TMEM154: variants seen among roughly 807,000 people sequenced by gnomAD.
TMEM154 encodes transmembrane protein 154.
A neutral mutation model predicts 24.5 loss-of-function variants in TMEM154; 27 were observed. The observed-to-expected ratio is 1.10, with a 90% confidence interval of 0.81 to 1.52. TMEM154 has a LOEUF of 1.52. Among genes scored for constraint, TMEM154 ranks in the 40% most tolerant of loss-of-function variants. TMEM154 has a pLI of 0.00. For missense variants in TMEM154, 228 were observed against 213.4 expected (o/e 1.07, Z -0.43); for synonymous variants, 67 against 76.8 (o/e 0.87, Z 0.67).
chr4:152,654,800 TGTCTGTTGTTTTAAGTCTTGCA>T (rs1346245177), intron 1 of TMEM154, among the ~76,000 whole-genome samples: 1 of 152,212 alleles, frequency 6.6e-6, no homozygotes, highest in East Asian at 1.9e-4. Context: ...GAGAAATAAA[TGTCTGTTGTTTTAAGTCTTGCA>T]GTCTGTGGTA....
rs1489047801 is a variant in TMEM154 at position 152,621,235 on chromosome 4, C to T, written c.*7311G>A. On this transcript the variant is annotated 3_prime_UTR_variant, in exon 7 of 7. Transcript: ENST00000304385. ...CCCTCTCTTTCCTTCTTGTGAATATCATGCTGGAGTTACAACCACCATTTT... is the reference window on the plus strand; with the variant it reads ...CCCTCTCTTTCCTTCTTGTGAATATTATGCTGGAGTTACAACCACCATTTT... The T allele has an allele frequency of 2.0e-5, 3 of 152,240 alleles. No individual in the cohort carries two copies. The highest frequency in any genetic ancestry group is 3.8e-4 in the East Asian group (2 of 5,204). 9.4% of individuals were successfully genotyped at this position (152,240 alleles called of 1,614,324 possible).
intron 1 of TMEM154, among the ~76,000 whole-genome samples, chr4:152,670,520 C>A (rs989070738): frequency 6.6e-6 from 1 of 152,018 alleles, no homozygotes; most frequent in Non-Finnish European, 1.5e-5. Flanking sequence ...CGCTTGAACC[C>A]GGGAGCCGGA....
At chr4:152,645,018 T>G (rs1752331208) in intron 3 of TMEM154, among the ~76,000 whole-genome samples, 1 of 152,200 alleles carries the variant, frequency 6.6e-6, no homozygotes, top group South Asian at 2.1e-4. Flanking sequence ...CCACCTACTC[T>G]ATTTAAAGAA....
intron 3 of TMEM154, among the ~76,000 whole-genome samples, chr4:152,649,655 C>A (rs1293066350): frequency 6.6e-6 from 1 of 152,180 alleles, no homozygotes; most frequent in Non-Finnish European, 1.5e-5. Flanking sequence ...AGGCCTCTAG[C>A]CTTCCCATCC....
At chr4:152,675,542 G>A (rs10013570) in intron 1 of TMEM154, among the ~76,000 whole-genome samples, 16,501 of 152,068 alleles carry the variant, frequency 0.11, 1,186 homozygotes, top group African/African-American at 0.2. Flanking sequence ...CAGGAGAATC[G>A]CTTGAACCCA....
intron 6 of TMEM154, chr4:152,639,800 A>C (rs1752220697): frequency 6.5e-6 from 1 of 152,968 alleles, no homozygotes; most frequent in African/African-American, 2.4e-5. Context: ...TAAATAGGAT[A>C]GAATCCTTCC....
chr4:152,628,930 C>G (rs1428479206), intron 6 of TMEM154, among the ~76,000 whole-genome samples: 2 of 152,044 alleles, frequency 1.3e-5, no homozygotes, highest in Admixed American at 6.5e-5. Context: ...CAGGTGTGAG[C>G]CACTGCACCC....
Position 152,644,458 on chromosome 4 carries a change from C to G in TMEM154, c.365-16G>C, listed in dbSNP as rs749415140. 9.3e-6 allele frequency: 15 copies of G among 1,613,792 alleles called. No homozygotes were observed. Among genetic ancestry groups the G allele is most frequent in the Non-Finnish European group, 1.2e-5 (14 of 1,179,716 alleles). On this transcript the variant is annotated splice_polypyrimidine_tract_variant and intron_variant, in intron 3 of 6. Transcript: ENST00000304385. Reference sequence around the variant, plus strand: ...CCCAGTTCATCTAAAAGGAAATGAACATAAAGGTCATGTTAGCTTTGTTCT... The same window carrying G: ...CCCAGTTCATCTAAAAGGAAATGAAGATAAAGGTCATGTTAGCTTTGTTCT...
chr4:152,657,932 G>T (rs1441909636), intron 1 of TMEM154, among the ~76,000 whole-genome samples: 1 of 152,126 alleles, frequency 6.6e-6, no homozygotes, highest in African/African-American at 2.4e-5. Flanking sequence ...ACATGCAAAA[G>T]CTGAGGGAAT....
intron 1 of TMEM154, chr4:152,668,713 G>T (rs10008259): frequency 0.13 from 19,265 of 152,370 alleles, 1,851 homozygotes; most frequent in African/African-American, 0.27. Flanking sequence ...CACCCCAGGG[G>T]CTTGGTCGCC....
chr4:152,650,644 T>C (rs1264331847), intron 3 of TMEM154, among the ~76,000 whole-genome samples: 1 of 152,234 alleles, frequency 6.6e-6, no homozygotes, highest in Non-Finnish European at 1.5e-5. Context: ...CTTAATGGCA[T>C]CTAGAATGGT....
chr4:152,629,796 T>C (rs1322465940), intron 6 of TMEM154, among the ~76,000 whole-genome samples: 1 of 152,154 alleles, frequency 6.6e-6, no homozygotes, highest in African/African-American at 2.4e-5. Context: ...TCGGAGCAAC[T>C]GAGACACACA....
intron 3 of TMEM154, among the ~76,000 whole-genome samples, chr4:152,648,225 G>T (rs1431084278): frequency 6.6e-6 from 1 of 152,230 alleles, no homozygotes; most frequent in East Asian, 1.9e-4. Context: ...GCTCACACCT[G>T]TAATCCCAGT....
chr4:152,627,107 C>T lies in TMEM154; in HGVS notation c.*1439G>A, dbSNP rs1299020802. The T allele has an allele frequency of 6.6e-6, 1 of 152,160 alleles. No homozygotes were observed. The highest frequency in any genetic ancestry group is 1.5e-5 in the Non-Finnish European group (1 of 68,040). The allele number at this position is 152,160 out of a possible 1,614,324, so 9.4% of individuals were successfully genotyped here. A position where few individuals can be genotyped will look rare whatever the true frequency, so the allele number is the denominator to read the frequency against. ...TTATAGCTTTCATTGTATGGAAAGA[C>T]CTCTCTGGTCTGGAACTCTGCCTTT... On this transcript the variant is annotated 3_prime_UTR_variant, in exon 7 of 7. Transcript: ENST00000304385.
chr4:152,643,260 A>G, intron 4 of TMEM154, 87 bp from the exon 5 acceptor site: 2 of 1,039,682 alleles, frequency 1.9e-6, no homozygotes, highest in Non-Finnish European at 2.9e-6. Flanking sequence ...GCTGATCCTG[A>G]GGAAGATGAA....
intron 1 of TMEM154, among the ~76,000 whole-genome samples, chr4:152,664,470 C>T (rs1019242687): frequency 1.7e-4 from 26 of 152,056 alleles, no homozygotes; most frequent in African/African-American, 6.0e-4. Flanking sequence ...TGTAGCAAAC[C>T]GCCATGGCAC....
intron 1 of TMEM154, among the ~76,000 whole-genome samples, chr4:152,672,096 A>G (rs2149790977): frequency 6.6e-6 from 1 of 150,952 alleles, no homozygotes; most frequent in African/African-American, 2.4e-5. Flanking sequence ...TCTATAAAAA[A>G]AAAAAAAAAA....
chr4:152,642,949 A>G, intron 5 of TMEM154, 139 bp downstream of exon 5: 1 of 661,950 alleles, frequency 1.5e-6, no homozygotes, highest in South Asian at 1.7e-5. Flanking sequence ...GACCAGGTTT[A>G]TTATCTGCAT....
intron 3 of TMEM154, among the ~76,000 whole-genome samples, chr4:152,650,504 A>G (rs1245291079): frequency 6.6e-6 from 1 of 152,110 alleles, no homozygotes; most frequent in Non-Finnish European, 1.5e-5. Flanking sequence ...TGTTCTTTCT[A>G]CCACATCTGC....
Sources: allele counts gnomAD v4.1 joint callset (sites outside exome capture counted in the v4.1 genomes callset), GRCh38; gene constraint gnomAD v4.1.1; transcripts MANE v1.5; gene names NCBI Gene and HGNC (gene_info 2026-07-23, HGNC 2026-07-21).